The following SMURF2 variants were observed in gnomAD, a reference collection of about 807,000 sequenced individuals.
The protein encoded by SMURF2 is SMAD specific E3 ubiquitin protein ligase 2, also known as E3 ubiquitin-protein ligase SMURF2.
Under a neutral mutation model 109.6 loss-of-function variants are expected in SMURF2, and 48 were observed. The ratio of observed to expected loss-of-function variants is 0.44; its 90% CI spans 0.35 to 0.56. The LOEUF (loss-of-function observed/expected upper bound fraction) is 0.56, where lower values mean the gene tolerates loss of function less well. Ranked by LOEUF, SMURF2 falls within the 20% of genes least tolerant of loss-of-function variation. The pLI, the probability that SMURF2 is intolerant of heterozygous loss-of-function variation, is 0.01. For synonymous variants in SMURF2, 288 were observed against 317.1 expected (o/e 0.91, Z 0.97); for missense variants, 575 against 909.0 (o/e 0.63, Z 4.72).
intron 5 of SMURF2, among the ~76,000 whole-genome samples, chr17:64,588,220 T>C (rs1969693482): frequency 6.6e-6 from 1 of 152,044 alleles, no homozygotes; most frequent in South Asian, 2.1e-4. Flanking sequence ...TACATTAGAC[T>C]TCCCACGCTC....
intron 12 of SMURF2, among the ~76,000 whole-genome samples, chr17:64,558,583 C>A (rs979839666): frequency 6.6e-6 from 1 of 152,080 alleles, no homozygotes; most frequent in African/African-American, 2.4e-5. Context: ...CTGAAACATA[C>A]CATGATAAAA....
intron 1 of SMURF2, among the ~76,000 whole-genome samples, chr17:64,659,313 G>T (rs1301214503): frequency 1.3e-5 from 2 of 152,030 alleles, no homozygotes; most frequent in Non-Finnish European, 2.9e-5. Flanking sequence ...TACTAATATG[G>T]TATTAACTTA....
intron 11 of SMURF2, among the ~76,000 whole-genome samples, chr17:64,562,559 A>G (rs539684535): frequency 6.6e-6 from 1 of 151,724 alleles, no homozygotes; most frequent in Admixed American, 6.6e-5. Context: ...TTGTATTTTT[A>G]GTAGAGATGG....
chr17:64,618,429 A>G (rs1970154428), intron 1 of SMURF2, among the ~76,000 whole-genome samples: 1 of 152,218 alleles, frequency 6.6e-6, no homozygotes, highest in Admixed American at 6.5e-5. Flanking sequence ...TATATATCTT[A>G]AACCAGTATT....
At chr17:64,642,369 A>G (rs1429435718) in intron 1 of SMURF2, among the ~76,000 whole-genome samples, 1 of 152,346 alleles carries the variant, frequency 6.6e-6, no homozygotes, top group Non-Finnish European at 1.5e-5. Flanking sequence ...ATTCTTCTAT[A>G]GCAAAAGAGA....
At chr17:64,642,683 T>C (rs782224600) in intron 1 of SMURF2, among the ~76,000 whole-genome samples, 2 of 152,236 alleles carry the variant, frequency 1.3e-5, no homozygotes, top group Admixed American at 6.5e-5. Flanking sequence ...CACATATCTA[T>C]TAAGCACTGT....
chr17:64,653,347 C>G (rs1970663217), intron 1 of SMURF2, among the ~76,000 whole-genome samples: 1 of 152,064 alleles, frequency 6.6e-6, no homozygotes, highest in African/African-American at 2.4e-5. Context: ...CATGAAATAT[C>G]TGTACCTACC....
At chr17:64,657,517 C>A (rs1970720853) in intron 1 of SMURF2, among the ~76,000 whole-genome samples, 4 of 150,572 alleles carry the variant, frequency 2.7e-5, no homozygotes, top group Admixed American at 2.7e-4. Context: ...CCTGGAGAAA[C>A]CCCATCTGTA....
intron 1 of SMURF2, among the ~76,000 whole-genome samples, chr17:64,642,480 T>G (rs1555692654): frequency 6.6e-6 from 1 of 152,168 alleles, no homozygotes; most frequent in African/African-American, 2.4e-5. Flanking sequence ...CCTAAATTAA[T>G]CCCTGGCCTC....
intron 14 of SMURF2, among the ~76,000 whole-genome samples, chr17:64,555,551 T>C (rs1969106223): frequency 6.6e-6 from 1 of 152,172 alleles, no homozygotes; most frequent in Non-Finnish European, 1.5e-5. Flanking sequence ...AGAATTTGTA[T>C]CACATTGAGG....
chr17:64,629,235 G>C (rs1555691396), intron 1 of SMURF2, among the ~76,000 whole-genome samples: 2 of 152,182 alleles, frequency 1.3e-5, no homozygotes, highest in Admixed American at 1.3e-4. Context: ...AAAAGTGTGT[G>C]TACACCTATA....
intron 2 of SMURF2, 57 bp downstream of exon 2, chr17:64,606,545 A>G (rs782404881): frequency 2.4e-6 from 3 of 1,245,802 alleles, no homozygotes; most frequent in Admixed American, 5.3e-5. Context: ...GAATTCTGAA[A>G]ACGCTGTTCC....
At chr17:64,648,566 G>A (rs1478869711) in intron 1 of SMURF2, among the ~76,000 whole-genome samples, 1 of 151,956 alleles carries the variant, frequency 6.6e-6, no homozygotes, top group Non-Finnish European at 1.5e-5. Flanking sequence ...GAAGCCAGGA[G>A]TTTGAGACCA....
At chr17:64,656,435 A>G (rs927628787) in intron 1 of SMURF2, among the ~76,000 whole-genome samples, 18 of 152,376 alleles carry the variant, frequency 1.2e-4, no homozygotes, top group African/African-American at 4.3e-4. Flanking sequence ...ATTCTGCTTC[A>G]CGAATGTTTA....
intron 1 of SMURF2, among the ~76,000 whole-genome samples, chr17:64,611,633 T>C (rs1970045682): frequency 6.6e-6 from 1 of 152,170 alleles, no homozygotes; most frequent in South Asian, 2.1e-4. Context: ...CTTCTCTCTA[T>C]TACCGATGCC....
At chr17:64,653,175 C>A (rs1421469850) in intron 1 of SMURF2, among the ~76,000 whole-genome samples, 4 of 151,990 alleles carry the variant, frequency 2.6e-5, no homozygotes, top group Admixed American at 1.3e-4. Context: ...AGGCTTATAT[C>A]CAGAATACAT....
Position 64,662,069 on chromosome 17 carries a change from C to G in SMURF2, c.-189G>C, listed in dbSNP as rs919183897. 30 of 1,096,890 alleles carry G rather than the reference C, an allele frequency of 2.7e-5. No homozygotes were observed. The highest frequency in any genetic ancestry group is 4.0e-4 in the Middle Eastern group (1 of 2,516). The allele number at this position is 1,096,890 out of a possible 1,614,324, so 67.9% of individuals were successfully genotyped here. On this transcript the variant is annotated 5_prime_UTR_variant, in exon 1 of 19. Coordinates refer to ENST00000262435, the MANE Select transcript of SMURF2 (RefSeq NM_022739.4). ...GAGGGAGCGGGACGCCGAGCTCCCC[C>G]CTCCTCCCACTTCTCCTTCCTCGGC...
At chr17:64,566,869 T>G (rs1236061316) in intron 10 of SMURF2, among the ~76,000 whole-genome samples, 3 of 142,474 alleles carry the variant, frequency 2.1e-5, no homozygotes, top group Non-Finnish European at 4.6e-5. Context: ...CGTGCCCCGC[T>G]GACAGAGAGT....
chr17:64,648,748 T>C (rs1289490273), intron 1 of SMURF2, among the ~76,000 whole-genome samples: 1 of 152,166 alleles, frequency 6.6e-6, no homozygotes, highest in African/African-American at 2.4e-5. Flanking sequence ...AGTGAGACCC[T>C]GTTTCAAACA....
Sources: allele counts gnomAD v4.1 joint callset (sites outside exome capture counted in the v4.1 genomes callset), GRCh38; gene constraint gnomAD v4.1.1; transcripts MANE v1.5; gene names NCBI Gene and HGNC (gene_info 2026-07-23, HGNC 2026-07-21).